Variants in PARD3 observed in about 807,000 individuals in gnomAD.
PARD3 encodes the protein partitioning defective 3 homolog.
Under a neutral mutation model 155.4 loss-of-function variants are expected in PARD3, and 75 were observed. That is an observed-to-expected ratio of 0.48 (90% CI 0.40 to 0.58). PARD3 has a LOEUF of 0.58. PARD3 is among the 20% of genes least tolerant of loss of function. The probability of loss-of-function intolerance (pLI) is 0.00; values close to 1 mark genes in which losing one functional copy is unlikely to be tolerated. For synonymous variants in PARD3, 576 were observed against 610.5 expected (o/e 0.94, Z 0.83); for missense variants, 1,642 against 1,721.7 (o/e 0.95, Z 0.82).
intron 21 of PARD3, among the ~76,000 whole-genome samples, chr10:34,277,199 A>C (rs1955927942): frequency 6.6e-6 from 1 of 152,194 alleles, no homozygotes; most frequent in Non-Finnish European, 1.5e-5. Context: ...TCATGGCGAA[A>C]TGAAATTTAA....
chr10:34,296,592 C>T (rs933024096), intron 20 of PARD3, among the ~76,000 whole-genome samples: 2 of 152,118 alleles, frequency 1.3e-5, no homozygotes, highest in African/African-American at 2.4e-5. Context: ...ATGTAAGAAT[C>T]TTTAACTAGA....
chr10:34,775,862 A>G (rs10159562), intron 1 of PARD3, among the ~76,000 whole-genome samples: 10,817 of 152,256 alleles, frequency 0.071, 1,291 homozygotes, highest in African/African-American at 0.25. Context: ...CACCTCTGAA[A>G]AAGCAATAAG....
intron 3 of PARD3, among the ~76,000 whole-genome samples, chr10:34,512,498 A>G (rs1346356677): frequency 6.6e-6 from 1 of 152,206 alleles, no homozygotes; most frequent in Non-Finnish European, 1.5e-5. Context: ...AGGATGATCC[A>G]GGATGATCCC....
chr10:34,718,547 C>T (rs1262808140), intron 1 of PARD3, among the ~76,000 whole-genome samples: 1 of 152,090 alleles, frequency 6.6e-6, no homozygotes, highest in Non-Finnish European at 1.5e-5. Flanking sequence ...GTAGTCGCAG[C>T]TACTGAGAGG....
chr10:34,313,121 A>G (rs965984850), intron 20 of PARD3, among the ~76,000 whole-genome samples: 1 of 152,174 alleles, frequency 6.6e-6, no homozygotes, highest in Non-Finnish European at 1.5e-5. Flanking sequence ...TTTCGTGACA[A>G]TTTCATACAA....
chr10:34,224,143 C>T (rs536199832), intron 22 of PARD3, among the ~76,000 whole-genome samples: 3 of 152,320 alleles, frequency 2.0e-5, no homozygotes, highest in East Asian at 3.9e-4. Flanking sequence ...TAATCATCAA[C>T]GCCCTTATAT....
At position 34,218,062 on chromosome 10, in the gene PARD3, C is replaced by T. The variant is rs112644817; in HGVS notation, c.3419+51595G>A. Among the ~76,000 whole-genome samples the T allele has an allele frequency of 8.5e-5, 13 of 152,196 alleles. No homozygotes were observed. The South Asian group carries it at 1.2e-3, about 15-fold the overall frequency. ...CACAGGCACCTCCTGCACGCCCCTA[C>T]GTCCCTGAAACATCACTCATCACTC... On this transcript the variant is annotated intron_variant, in intron 22 of 24. Coordinates refer to ENST00000374788, the MANE Select transcript of PARD3 (RefSeq NM_001184785.2).
chr10:34,252,343 C>T (rs1257532521), intron 22 of PARD3, among the ~76,000 whole-genome samples: 1 of 152,134 alleles, frequency 6.6e-6, no homozygotes, highest in Non-Finnish European at 1.5e-5. Flanking sequence ...ACTGAGGCTC[C>T]TGTGACGTCC....
intron 14 of PARD3, among the ~76,000 whole-genome samples, chr10:34,357,157 C>T (rs930874949): frequency 6.6e-6 from 1 of 152,124 alleles, no homozygotes; most frequent in Non-Finnish European, 1.5e-5. Context: ...TACTTTGTCA[C>T]TATTTGGGGG....
chr10:34,666,157 C>G (rs1329202608), intron 2 of PARD3, among the ~76,000 whole-genome samples: 1 of 150,970 alleles, frequency 6.6e-6, no homozygotes, highest in Non-Finnish European at 1.5e-5. Context: ...GCCCAGGAAG[C>G]TGCAGTAAGC....
At chr10:34,594,145 G>C (rs1190190396) in intron 2 of PARD3, among the ~76,000 whole-genome samples, 2 of 152,132 alleles carry the variant, frequency 1.3e-5, no homozygotes, top group Non-Finnish European at 2.9e-5. Context: ...TACTGTAATA[G>C]TCAATCATAT....
rs1750606639 is a variant in PARD3, at chr10:34,479,435, A to C, written c.404-9172T>G. Among the ~76,000 whole-genome samples, 4 of 152,220 alleles carry C rather than the reference A, an allele frequency of 2.6e-5. No homozygotes were observed. In the South Asian group the frequency reaches 8.3e-4, roughly 32 times the overall value. ...CTCGGCCTCCCAAAGTCCTGGGATTACTTTGGGGCGCGTGAGCCACGGCAC... is the reference window on the plus strand; with the variant it reads ...CTCGGCCTCCCAAAGTCCTGGGATTCCTTTGGGGCGCGTGAGCCACGGCAC... On this transcript the variant is annotated intron_variant, in intron 3 of 24. Coordinates refer to ENST00000374788, the MANE Select transcript of PARD3 (RefSeq NM_001184785.2).
At chr10:34,181,716 T>C (rs1328170959) in intron 22 of PARD3, among the ~76,000 whole-genome samples, 1 of 152,140 alleles carries the variant, frequency 6.6e-6, no homozygotes, top group Non-Finnish European at 1.5e-5. Flanking sequence ...TGCTGACATC[T>C]GGTTACATGG....
intron 5 of PARD3, among the ~76,000 whole-genome samples, chr10:34,424,091 A>G (rs1474649046): frequency 6.6e-6 from 1 of 152,208 alleles, no homozygotes; most frequent in Non-Finnish European, 1.5e-5. Context: ...TTGTTATTGT[A>G]TATTAACATC....
At chr10:34,130,897 C>CA (rs1204753654) in intron 23 of PARD3, among the ~76,000 whole-genome samples, 2 of 152,068 alleles carry the variant, frequency 1.3e-5, no homozygotes, top group African/African-American at 2.4e-5. Context: ...TCAGTCTCTA[C>CA]AAAAAACTAA....
intron 2 of PARD3, among the ~76,000 whole-genome samples, chr10:34,651,301 C>G (rs990026367): frequency 1.3e-5 from 2 of 152,222 alleles, no homozygotes; most frequent in African/African-American, 4.8e-5. Context: ...TAAGACTAGT[C>G]TTTCTCTCAC....
chr10:34,742,112 C>G (rs1034596977), intron 1 of PARD3, among the ~76,000 whole-genome samples: 1 of 152,168 alleles, frequency 6.6e-6, no homozygotes, highest in African/African-American at 2.4e-5. Context: ...TGAAAATTCA[C>G]GTGATAGCTA....
chr10:34,337,786 T>C (rs1836354271), intron 16 of PARD3, among the ~76,000 whole-genome samples: 2 of 152,346 alleles, frequency 1.3e-5, no homozygotes, highest in South Asian at 4.1e-4. Flanking sequence ...CTGTCATATA[T>C]TATATACAAA....
chr10:34,497,226 A>C (rs894007795), intron 3 of PARD3, among the ~76,000 whole-genome samples: 2 of 152,208 alleles, frequency 1.3e-5, no homozygotes, highest in African/African-American at 2.4e-5. Context: ...ACAGATTGAA[A>C]ATACTTGAAA....
Sources: gnomAD v4.1 joint callset for allele counts (sites outside exome capture counted in the v4.1 genomes callset) on GRCh38, gnomAD v4.1.1 for gene constraint, MANE v1.5 for transcripts, NCBI Gene and HGNC (gene_info 2026-07-23, HGNC 2026-07-21) for gene names.